The following ABCA1 variants were observed in gnomAD, a reference collection of about 807,000 sequenced individuals.
ABCA1 encodes the protein phospholipid-transporting ATPase ABCA1.
In ABCA1, 133 loss-of-function variants were observed where a neutral mutation model predicts 262.5. The observed-to-expected ratio is 0.51, with a 90% CI of 0.44 to 0.59. The LOEUF is 0.59. Among genes scored for constraint, ABCA1 ranks in the 20% least tolerant of loss-of-function variants. The probability of loss-of-function intolerance (pLI) is 0.00; values close to 1 mark genes in which losing one functional copy is unlikely to be tolerated. For synonymous variants in ABCA1, 1,022 were observed against 1,043.5 expected (o/e 0.98, Z 0.40); for missense variants, 2,452 against 2,777.5 (o/e 0.88, Z 2.63).
chr9:104,883,102 T>A lies in ABCA1; in HGVS notation c.358A>T (p.Thr120Ser). The change falls in exon 5 of 50, where the codon ACC (threonine) becomes TCC (serine). Residue 120 changes from threonine to serine, a missense_variant. By Grantham distance (58) the Thr-to-Ser change is moderately conservative (BLOSUM62 1). Coordinates refer to ENST00000374736, the MANE Select transcript of ABCA1 (RefSeq NM_005502.4). ...ACTTTGCGCATGTCCTTCATGCTGG[T>A]GTCTTTCTGGCTGTATAAAAGAAGC... ...RRLLLYSQKD[T>S]SMKDMRKVLR... 1 of 1,613,882 alleles carries A rather than the reference T, an allele frequency of 6.2e-7. No individual in the cohort carries two copies. Among genetic ancestry groups the A allele is most frequent in the Admixed American group, 1.7e-5 (1 of 60,008 alleles).
chr9:104,875,351 CA>C (rs749025515), intron 5 of ABCA1, among the ~76,000 whole-genome samples: 1,148 of 63,942 alleles, frequency 0.018, 3 homozygotes, highest in Middle Eastern at 0.028. Flanking sequence ...GACTCCATCT[CA>C]AAAAAAAAAA....
In ABCA1 at chr9:104,810,867, G is replaced by A; in HGVS notation, c.4108C>T (p.Pro1370Ser). Residue 1370 changes from proline (P) to serine (S), a missense_variant, in exon 29 of 50, where the codon CCC becomes TCC. Around this residue, in one of 4 missense-constraint regions of ABCA1, gnomAD observed 665 missense variants for 727.3 expected, o/e 0.91. Coordinates refer to ENST00000374736, the MANE Select transcript of ABCA1 (RefSeq NM_005502.4). ...TCCAGGCTGGGGTACTTGCCAAAGG[G>A]TGGCACGATCAGGCTGAACACAAGG... ...IALVFSLIVP[P>S]FGKYPSLELQ... 1.2e-6 allele frequency: 2 copies of A among 1,614,232 alleles called. No homozygotes were observed. Among genetic ancestry groups the A allele is most frequent in the South Asian group, 1.1e-5 (1 of 91,086 alleles).
Position 104,904,336 on chromosome 9 carries a change from G to A in ABCA1, c.-92-565C>T, listed in dbSNP as rs142577680. ...TATAATCCCAGCACTTTGGGAGGCCGAGGCAGGCGGATCACGAGGTCAAGA... is the reference window on the plus strand; with the variant it reads ...TATAATCCCAGCACTTTGGGAGGCCAAGGCAGGCGGATCACGAGGTCAAGA... On this transcript the variant is annotated intron_variant, in intron 1 of 49. Coordinates refer to ENST00000374736, the MANE Select transcript of ABCA1 (RefSeq NM_005502.4). Among the ~76,000 whole-genome samples the A allele has an allele frequency of 1.5e-3, 227 of 152,138 alleles. 3 individuals carry two copies. The highest frequency in any genetic ancestry group is 0.012 in the East Asian group (62 of 5,168).
At chr9:104,877,968 C>T (rs1284285669) in intron 5 of ABCA1, among the ~76,000 whole-genome samples, 1 of 152,198 alleles carries the variant, frequency 6.6e-6, no homozygotes, top group Non-Finnish European at 1.5e-5. Flanking sequence ...TCCTCCTAAG[C>T]AATAATTTCC....
At chr9:104,870,609 T>C (rs1315837014) in intron 5 of ABCA1, among the ~76,000 whole-genome samples, 1 of 152,154 alleles carries the variant, frequency 6.6e-6, no homozygotes, top group Non-Finnish European at 1.5e-5. Flanking sequence ...GTGATTAAGT[T>C]ATGTGAGCAG....
intron 5 of ABCA1, 57 bp from the exon 6 acceptor site, chr9:104,861,857 AGTGGGC>A: frequency 1.6e-6 from 2 of 1,272,928 alleles, no homozygotes; most frequent in Non-Finnish European, 2.2e-6. Context: ...AAAAAAAAAA[AGTGGGC>A]ACAATGGGAC....
intron 5 of ABCA1, among the ~76,000 whole-genome samples, chr9:104,863,819 C>T (rs1466712309): frequency 6.6e-6 from 1 of 152,198 alleles, no homozygotes; most frequent in Non-Finnish European, 1.5e-5. Flanking sequence ...TGATGCTTCC[C>T]ATCACATGTG....
Position 104,792,910 on chromosome 9 carries a change from G to A in ABCA1, c.5637-4C>T, listed in dbSNP as rs760811804. Reference sequence around the variant, plus strand: ...AGATAGCTTTGCATTTACAGGTCTTGGGGGAAAAAACAAGAAAAATGAACC... The same window carrying A: ...AGATAGCTTTGCATTTACAGGTCTTAGGGGAAAAAACAAGAAAAATGAACC... On this transcript the variant is annotated splice_polypyrimidine_tract_variant and splice_region_variant and intron_variant, in intron 41 of 49. Transcript: ENST00000374736. 3 of 1,612,982 alleles carry A rather than the reference G, an allele frequency of 1.9e-6. No homozygotes were observed. The highest frequency in any genetic ancestry group is 2.2e-5 in the East Asian group (1 of 44,884).
chr9:104,807,136 G>A (rs192249874), intron 30 of ABCA1, among the ~76,000 whole-genome samples: 40 of 152,294 alleles, frequency 2.6e-4, no homozygotes, highest in South Asian at 1.9e-3. Context: ...AGGAGGAGAG[G>A]AGCCAGATGA....
chr9:104,851,144 C>T (rs1419073004), intron 7 of ABCA1, among the ~76,000 whole-genome samples: 2 of 152,170 alleles, frequency 1.3e-5, no homozygotes, highest in African/African-American at 4.8e-5. Flanking sequence ...GGCTGTTGTG[C>T]CCCATTCTTT....
At position 104,799,394 on chromosome 9, in the gene ABCA1, TCACACACACACACACACACACA is replaced by T. The variant is rs3983647; in HGVS notation, c.4943+403_4943+424del. 8 of 553,350 alleles carry T rather than the reference TCACACACACACACACACACACA, an allele frequency of 1.4e-5. No individual in the cohort carries two copies. The East Asian group carries it at 4.4e-4, about 30-fold the overall frequency. 34.3% of individuals were successfully genotyped at this position (553,350 alleles called of 1,614,324 possible). On this transcript the variant is annotated intron_variant, in intron 36 of 49. Coordinates refer to ENST00000374736, the MANE Select transcript of ABCA1 (RefSeq NM_005502.4). ...AACTAGCTCATCCTGGCTTTAAACT[TCACACACACACACACACACACA>T]CACACACACACACACACACAGCTTA...
chr9:104,922,276 GCAGGCTACTTATT>G (rs1454270043), intron 1 of ABCA1, among the ~76,000 whole-genome samples: 2 of 152,122 alleles, frequency 1.3e-5, no homozygotes, highest in Non-Finnish European at 2.9e-5. Flanking sequence ...ACCTTTCTAT[GCAGGCTACTTATT>G]CAGGCAACTA....
intron 8 of ABCA1, 29 bp from the exon 9 acceptor site, chr9:104,840,548 G>C (rs369578104): frequency 2.3e-5 from 37 of 1,605,818 alleles, no homozygotes; most frequent in Non-Finnish European, 2.8e-5. Flanking sequence ...ACAGAAAGGA[G>C]GGTAGGGGAA....
chr9:104,821,211 C>G (rs1344875394), intron 20 of ABCA1, among the ~76,000 whole-genome samples, 164 bp downstream of exon 20: 2 of 152,104 alleles, frequency 1.3e-5, no homozygotes, highest in East Asian at 3.8e-4. Flanking sequence ...CCACTACAGT[C>G]CAGCCTGGCT....
chr9:104,920,385 T>C (rs765927945), intron 1 of ABCA1, among the ~76,000 whole-genome samples: 1 of 152,224 alleles, frequency 6.6e-6, no homozygotes, highest in Non-Finnish European at 1.5e-5. Flanking sequence ...GAATTGGTGA[T>C]CTAGAATAAG....
chr9:104,804,077 A>G (rs1183070229), intron 32 of ABCA1, among the ~76,000 whole-genome samples: 1 of 152,190 alleles, frequency 6.6e-6, no homozygotes, highest in Non-Finnish European at 1.5e-5. Context: ...GATGGGAAGG[A>G]AACGAGAACA....
Position 104,827,356 on chromosome 9 carries a change from A to C in ABCA1, c.2116-187T>G, listed in dbSNP as rs114672108. On this transcript the variant is annotated intron_variant, in intron 15 of 49. Coordinates refer to ENST00000374736, the MANE Select transcript of ABCA1 (RefSeq NM_005502.4). ...CCTAAAGAAGATAAGTGACTTACCC[A>C]AAACTACGCAGAAAAATAATGGCAG... 2.3e-3 allele frequency among the ~76,000 whole-genome samples: 350 copies of C among 152,352 alleles called. 1 individual carries two copies. Among genetic ancestry groups the C allele is most frequent in the African/African-American group, 8.0e-3 (331 of 41,584 alleles).
chr9:104,785,723 C>T, intron 48 of ABCA1, 84 bp from the exon 49 acceptor site: 1 of 1,580,558 alleles, frequency 6.3e-7, no homozygotes, highest in South Asian at 1.1e-5. Flanking sequence ...CCAACTTGTG[C>T]CATGAAAAAG....
At chr9:104,799,746 T>C in intron 36 of ABCA1, 73 bp downstream of exon 36, 1 of 1,613,570 alleles carries the variant, frequency 6.2e-7, no homozygotes, top group East Asian at 2.2e-5. Context: ...ACAATGAGAT[T>C]CACATTTTTC....
Sources: gnomAD v4.1 joint callset for allele counts (sites outside exome capture counted in the v4.1 genomes callset) on GRCh38, gnomAD v4.1.1 for gene constraint, gnomAD v4.1.1 regional missense constraint, MANE v1.5 for transcripts, NCBI Gene and HGNC (gene_info 2026-07-23, HGNC 2026-07-21) for gene names.